MAP7: variants seen among roughly 807,000 people sequenced by gnomAD.
MAP7 encodes ensconsin.
In MAP7, 52 loss-of-function variants were observed where a neutral mutation model predicts 94.8. The observed-to-expected ratio is 0.55, with a 90% CI of 0.44 to 0.69. The LOEUF is 0.69. Ranked by LOEUF, MAP7 falls within the 30% of genes least tolerant of loss-of-function variation. The pLI, the probability that MAP7 is intolerant of heterozygous loss-of-function variation, is 0.00. For synonymous variants in MAP7, 350 were observed against 357.0 expected (o/e 0.98, Z 0.22); for missense variants, 940 against 964.6 (o/e 0.97, Z 0.34).
intron 1 of MAP7, among the ~76,000 whole-genome samples, chr6:136,499,777 T>C (rs1200058178): frequency 1.3e-5 from 2 of 152,090 alleles, no homozygotes; most frequent in South Asian, 2.1e-4. Flanking sequence ...GGCAGGAGGA[T>C]TGCTTGAGTC....
chr6:136,476,396 T>C (rs77392036), intron 1 of MAP7, among the ~76,000 whole-genome samples: 2,099 of 152,324 alleles, frequency 0.014, 86 homozygotes, highest in East Asian at 0.14. Flanking sequence ...ATTTCTAAAG[T>C]ACCTTCTAGA....
intron 3 of MAP7, among the ~76,000 whole-genome samples, chr6:136,389,750 C>T (rs1333484522): frequency 6.6e-6 from 1 of 152,056 alleles, no homozygotes; most frequent in Non-Finnish European, 1.5e-5. Context: ...GTACTGAATT[C>T]CACTCTTTGG....
At chr6:136,439,475 A>G (rs1270360373) in intron 1 of MAP7, among the ~76,000 whole-genome samples, 1 of 152,180 alleles carries the variant, frequency 6.6e-6, no homozygotes, top group African/African-American at 2.4e-5. Context: ...GGTTTTTGTT[A>G]TTAGCAGCAT....
At chr6:136,548,410 T>A (rs1370624939) in intron 1 of MAP7, among the ~76,000 whole-genome samples, 2 of 152,096 alleles carry the variant, frequency 1.3e-5, no homozygotes. Flanking sequence ...AATAGTAATC[T>A]TGGGGTAGAA....
intron 1 of MAP7, among the ~76,000 whole-genome samples, chr6:136,535,270 G>C (rs570414243): frequency 6.6e-6 from 1 of 152,160 alleles, no homozygotes; most frequent in Non-Finnish European, 1.5e-5. Context: ...CTTGCCATGT[G>C]AATGTGCCTG....
chr6:136,454,272 G>GATCGATCTATCTATCTATCT (rs1554258958), intron 1 of MAP7, among the ~76,000 whole-genome samples: 1 of 141,350 alleles, frequency 7.1e-6, no homozygotes, highest in African/African-American at 2.7e-5. Flanking sequence ...CTACCTAAAT[G>GATCGATCTATCTATCTATCT]ATCTATCTAT....
intron 1 of MAP7, among the ~76,000 whole-genome samples, chr6:136,534,762 T>G (rs1285978747): frequency 1.3e-5 from 2 of 152,222 alleles, no homozygotes; most frequent in Non-Finnish European, 2.9e-5. Flanking sequence ...AATCAAGTAC[T>G]GGTGAGCTTA....
intron 5 of MAP7, among the ~76,000 whole-genome samples, chr6:136,384,585 G>A (rs549212514): frequency 6.6e-6 from 1 of 151,906 alleles, no homozygotes; most frequent in African/African-American, 2.4e-5. Context: ...CTGGGCTCAA[G>A]TGATCCTCCC....
chr6:136,433,146 T>C (rs1221100622), intron 1 of MAP7, among the ~76,000 whole-genome samples: 2 of 152,202 alleles, frequency 1.3e-5, no homozygotes, highest in East Asian at 1.9e-4. Context: ...AAAAAAACTA[T>C]GTATAAATAT....
intron 1 of MAP7, among the ~76,000 whole-genome samples, chr6:136,441,240 T>C (rs568996103): frequency 1.5e-4 from 23 of 152,370 alleles, no homozygotes; most frequent in Admixed American, 1.4e-3. Context: ...GTCTTAAAGA[T>C]AATTTTGCTT....
chr6:136,372,904 C>A (rs977929341), intron 7 of MAP7, among the ~76,000 whole-genome samples: 1 of 152,086 alleles, frequency 6.6e-6, no homozygotes, highest in Non-Finnish European at 1.5e-5. Flanking sequence ...TCTTTAAATA[C>A]TAATGAAAGA....
intron 1 of MAP7, among the ~76,000 whole-genome samples, chr6:136,452,773 G>T (rs985077706): frequency 1.3e-5 from 2 of 152,062 alleles, no homozygotes; most frequent in African/African-American, 4.8e-5. Flanking sequence ...GGCTGGTCTC[G>T]AACTGCTGAC....
chr6:136,548,405 T>C (rs1190265341), intron 1 of MAP7, among the ~76,000 whole-genome samples: 1 of 152,086 alleles, frequency 6.6e-6, no homozygotes, highest in Non-Finnish European at 1.5e-5. Flanking sequence ...ACATTAATAG[T>C]AATCTTGGGG....
chr6:136,426,408 T>C (rs1480410169), intron 1 of MAP7, among the ~76,000 whole-genome samples: 1 of 152,200 alleles, frequency 6.6e-6, no homozygotes, highest in Non-Finnish European at 1.5e-5. Context: ...ATGCTTATCA[T>C]CCTTTGGAGG....
intron 1 of MAP7, among the ~76,000 whole-genome samples, chr6:136,452,248 T>C (rs1181961786): frequency 3.1e-5 from 4 of 129,294 alleles, no homozygotes; most frequent in Non-Finnish European, 7.1e-5. Context: ...AAAACTTGAA[T>C]GGATGAGGAG....
Position 136,421,754 on chromosome 6 carries a change from C to T in MAP7, c.113G>A (p.Arg38His), listed in dbSNP as rs1479705735. 1.9e-6 allele frequency: 3 copies of T among 1,613,958 alleles called. No homozygotes were observed. Among genetic ancestry groups the T allele is most frequent in the Non-Finnish European group, 2.5e-6 (3 of 1,179,960 alleles). ...KVQDKKNASS[R>H]PASAISGQNN... Reference sequence around the variant, plus strand: ...TTGTCCTGAAATTGCAGAGGCAGGGCGGCTGGAGGCATTTTTCTTATCTTG... The same window carrying T: ...TTGTCCTGAAATTGCAGAGGCAGGGTGGCTGGAGGCATTTTTCTTATCTTG... Residue 38 changes from arginine to histidine, a missense_variant, in exon 2 of 18, where the codon CGC becomes CAC. By Grantham distance (29) the Arg-to-His change is conservative. Coordinates refer to ENST00000354570, the MANE Select transcript of MAP7 (RefSeq NM_003980.6).
At chr6:136,378,033 G>A (rs1379816476) in intron 6 of MAP7, among the ~76,000 whole-genome samples, 165 bp from the exon 7 acceptor site, 1 of 152,224 alleles carries the variant, frequency 6.6e-6, no homozygotes, top group African/African-American at 2.4e-5. Flanking sequence ...TGTCCAGAGG[G>A]AGCAGTTATT....
rs563768866 is a variant in MAP7, at chr6:136,450,966, T to C, written c.68-29167A>G. Among the ~76,000 whole-genome samples, 4 of 152,252 alleles carry C rather than the reference T, an allele frequency of 2.6e-5. No individual in the cohort carries two copies. In the South Asian group the frequency reaches 8.3e-4, roughly 32 times the overall value. On this transcript the variant is annotated intron_variant, in intron 1 of 17. Transcript: ENST00000354570. ...TATGCCTTTTTGGCATAAGGATTATTTTGAGAAACAGCAGAAACTGGAAAA... is the reference window on the plus strand; with the variant it reads ...TATGCCTTTTTGGCATAAGGATTATCTTGAGAAACAGCAGAAACTGGAAAA...
At position 136,524,085 on chromosome 6, in the gene MAP7, C is replaced by CA. The variant is rs752217683; in HGVS notation, c.67+26256dup. Among the ~76,000 whole-genome samples, 662 of 150,030 alleles carry CA rather than the reference C, an allele frequency of 4.4e-3. 6 individuals carry two copies. Among genetic ancestry groups the CA allele is most frequent in the African/African-American group, 0.014 (579 of 40,932 alleles). ...TGAAACCCCGTCTCTACTAAAAATA[C>CA]AAAAAAAAAGTAGCTGGGCATGGTG... On this transcript the variant is annotated intron_variant, in intron 1 of 17. Transcript: ENST00000354570.
Sources: allele counts gnomAD v4.1 joint callset (sites outside exome capture counted in the v4.1 genomes callset), GRCh38; gene constraint gnomAD v4.1.1; transcripts MANE v1.5; gene names NCBI Gene and HGNC (gene_info 2026-07-23, HGNC 2026-07-21).